Variants in PPM1A observed in about 807,000 individuals in gnomAD.
PPM1A encodes protein phosphatase, Mg2+/Mn2+ dependent 1A.
PPM1A carries 7 observed loss-of-function variants against 35.0 expected under a neutral mutation model. The observed-to-expected ratio is 0.20, with a 90% confidence interval of 0.11 to 0.38. The LOEUF (loss-of-function observed/expected upper bound fraction) is 0.38. Ranked by LOEUF, PPM1A falls within the 10% of genes least tolerant of loss-of-function variation. The pLI is 1.00. For synonymous variants in PPM1A, 153 were observed against 167.3 expected (o/e 0.91, Z 0.66); for missense variants, 239 against 467.8 (o/e 0.51, Z 4.51).
chr14:60,271,806 A>G (rs904012230), intron 1 of PPM1A, among the ~76,000 whole-genome samples: 17 of 152,136 alleles, frequency 1.1e-4, no homozygotes, highest in African/African-American at 3.9e-4. Context: ...TGGGAATTCC[A>G]TCCACATGAT....
intron 1 of PPM1A, among the ~76,000 whole-genome samples, chr14:60,261,515 A>G (rs1479708638): frequency 1.3e-5 from 2 of 152,252 alleles, no homozygotes; most frequent in East Asian, 3.9e-4. Context: ...GCTGACCATA[A>G]TCATGTGTTC....
At chr14:60,252,868 A>G (rs939469233) in intron 1 of PPM1A, among the ~76,000 whole-genome samples, 1 of 152,248 alleles carries the variant, frequency 6.6e-6, no homozygotes, top group Non-Finnish European at 1.5e-5. Context: ...TTGACCTTTG[A>G]ATGTCCTGGC....
intron 1 of PPM1A, among the ~76,000 whole-genome samples, chr14:60,260,228 G>T (rs1883590796): frequency 6.6e-6 from 1 of 151,820 alleles, no homozygotes; most frequent in South Asian, 2.1e-4. Flanking sequence ...TCTTAATTTG[G>T]GGCACATTGA....
At chr14:60,250,950 G>C (rs965340462) in intron 1 of PPM1A, among the ~76,000 whole-genome samples, 14 of 152,124 alleles carry the variant, frequency 9.2e-5, no homozygotes, top group African/African-American at 3.4e-4. Flanking sequence ...TTGTATTTCT[G>C]TAACTCCTTA....
chr14:60,277,092 G>T, intron 1 of PPM1A: 2 of 1,146,348 alleles, frequency 1.7e-6, no homozygotes, highest in Non-Finnish European at 2.2e-6. Flanking sequence ...TTATGACTAG[G>T]TGAGAACTAA....
At chr14:60,287,752 G>C in intron 3 of PPM1A, 1 of 983,060 alleles carries the variant, frequency 1.0e-6, no homozygotes, top group Non-Finnish European at 1.2e-6. Context: ...AAAAGATTCA[G>C]CTCATAATTT....
chr14:60,285,215 A>G (rs140494439), intron 2 of PPM1A, among the ~76,000 whole-genome samples: 26 of 152,348 alleles, frequency 1.7e-4, no homozygotes, highest in African/African-American at 5.8e-4. Context: ...GTCAAATCCT[A>G]TTGTAAACAA....
rs145087990 is a variant in PPM1A at position 60,262,514 on chromosome 14, T to C, written c.-21+12837T>C. Among the ~76,000 whole-genome samples the C allele has an allele frequency of 2.2e-4, 34 of 152,206 alleles. No homozygotes were observed. In the East Asian group the frequency reaches 6.6e-3, roughly 29 times the overall value. ...GCCAGGGCAACACAGTGATACCTTG[T>C]CTCTACAAAAAAATTTTTAAAATTA... On this transcript the variant is annotated intron_variant, in intron 1 of 5. Transcript: ENST00000395076.
chr14:60,275,844 CTTTTTTTT>C (rs531960264), intron 1 of PPM1A, among the ~76,000 whole-genome samples: 1 of 130,460 alleles, frequency 7.7e-6, no homozygotes, highest in African/African-American at 2.8e-5. Flanking sequence ...AAAGATTAGC[CTTTTTTTT>C]TTTTTTTTTT....
intron 4 of PPM1A, among the ~76,000 whole-genome samples, chr14:60,290,160 A>T (rs960955037): frequency 1.3e-5 from 2 of 152,178 alleles, no homozygotes; most frequent in Non-Finnish European, 2.9e-5. Context: ...TGATTTCCTC[A>T]TAGAGCATAA....
chr14:60,271,365 A>G (rs1885085074), intron 1 of PPM1A, among the ~76,000 whole-genome samples: 1 of 152,222 alleles, frequency 6.6e-6, no homozygotes, highest in African/African-American at 2.4e-5. Flanking sequence ...TAACATTTAT[A>G]GGATTAGGAC....
rs1449320310 is a variant in PPM1A at position 60,249,235 on chromosome 14, C to CGGCGGT, written c.-457_-452dup. 8.1e-6 allele frequency: 8 copies of CGGCGGT among 987,386 alleles called. No individual in the cohort carries two copies. The highest frequency in any genetic ancestry group is 1.8e-5 in the African/African-American group (1 of 57,098). The allele number at this position is 987,386 out of a possible 1,614,324, so 61.2% of individuals were successfully genotyped here. A position where few individuals can be genotyped will look rare whatever the true frequency, so the allele number is the denominator to read the frequency against. ...GGGGCCGCGCTAGAGGCGGCGGCGG[C>CGGCGGT]GGCGGTGGCGGCGCTAGGGACGGGA... On this transcript the variant is annotated 5_prime_UTR_variant, in exon 1 of 6. Coordinates refer to ENST00000395076, the MANE Select transcript of PPM1A (RefSeq NM_021003.5). The surrounding 1 kb of genome is among the most constrained non-coding windows in gnomAD (Gnocchi z 4.5).
intron 3 of PPM1A, chr14:60,287,626 A>G: frequency 2.0e-6 from 2 of 984,832 alleles, no homozygotes; most frequent in Non-Finnish European, 2.4e-6. Context: ...ACCTCATTTT[A>G]TTTGCTTGGA....
Position 60,289,733 on chromosome 14 carries a change from G to C in PPM1A, c.953-73G>C. On this transcript the variant is annotated intron_variant, in intron 3 of 5. Coordinates refer to ENST00000395076, the MANE Select transcript of PPM1A (RefSeq NM_021003.5). This position sits in a 1 kb window ranked among gnomAD's most constrained non-coding sequence, Gnocchi z 4.1. Reference sequence around the variant, plus strand: ...GTAAATGCCATCTTTAAAAAGCTAGGTTATCTTTGTTTCGGTTTTCTTTTC... The same window carrying C: ...GTAAATGCCATCTTTAAAAAGCTAGCTTATCTTTGTTTCGGTTTTCTTTTC... 1.0e-6 allele frequency: 1 copy of C among 959,188 alleles called. No homozygotes were observed. 59.4% of individuals were successfully genotyped at this position (959,188 alleles called of 1,614,324 possible).
At chr14:60,255,202 C>A (rs1258428873) in intron 1 of PPM1A, among the ~76,000 whole-genome samples, 3 of 127,616 alleles carry the variant, frequency 2.4e-5, no homozygotes, top group African/African-American at 1.1e-4. Context: ...GACAGAGTCT[C>A]GCTCTGTCGC....
intron 1 of PPM1A, among the ~76,000 whole-genome samples, chr14:60,264,425 G>A (rs1268406779): frequency 1.3e-5 from 2 of 149,706 alleles, no homozygotes; most frequent in African/African-American, 2.6e-5. Context: ...ATATAAAATT[G>A]TATCTGTGTC....
chr14:60,279,955 ATTATT>A (rs1191821929), intron 1 of PPM1A, among the ~76,000 whole-genome samples: 6 of 152,112 alleles, frequency 3.9e-5, no homozygotes, highest in African/African-American at 1.4e-4. Context: ...CACTGTATAC[ATTATT>A]TTATTTAATC....
At chr14:60,285,398 G>A (rs1477103449) in intron 2 of PPM1A, among the ~76,000 whole-genome samples, 3 of 152,134 alleles carry the variant, frequency 2.0e-5, no homozygotes, top group Non-Finnish European at 4.4e-5. Flanking sequence ...TTTCTCTCCT[G>A]TCTTTTGGAG....
intron 1 of PPM1A, among the ~76,000 whole-genome samples, chr14:60,264,494 A>T (rs1165652881): frequency 2.0e-5 from 3 of 152,192 alleles, no homozygotes; most frequent in African/African-American, 7.2e-5. Context: ...TGCATATTAT[A>T]ACTGTGACAT....
Sources: allele counts gnomAD v4.1 joint callset (sites outside exome capture counted in the v4.1 genomes callset), GRCh38; gene constraint gnomAD v4.1.1; non-coding constraint Gnocchi (gnomAD v3.1); transcripts MANE v1.5; gene names NCBI Gene and HGNC (gene_info 2026-07-23, HGNC 2026-07-21).